PCSK2: variants seen among roughly 807,000 people sequenced by gnomAD.
The protein encoded by PCSK2 is neuroendocrine convertase 2.
PCSK2 carries 14 observed loss-of-function variants against 69.7 expected under a neutral mutation model. The observed-to-expected ratio is 0.20, with a 90% CI of 0.13 to 0.31. PCSK2 has a LOEUF of 0.31. PCSK2 is among the 10% of genes least tolerant of loss of function. The pLI, the probability that PCSK2 is intolerant of heterozygous loss-of-function variation, is 1.00. For missense variants in PCSK2, 544 were observed against 842.5 expected, an observed-to-expected ratio of 0.65 and a Z score of 4.39; for synonymous variants, 307 against 320.7, an observed-to-expected ratio of 0.96 and a Z score of 0.46.
chr20:17,332,553 G>T (rs1337210882), intron 2 of PCSK2, among the ~76,000 whole-genome samples: 1 of 152,202 alleles, frequency 6.6e-6, no homozygotes, highest in Non-Finnish European at 1.5e-5. Flanking sequence ...TTCTCAAATT[G>T]TGTCCCCTGA....
chr20:17,400,947 T>C (rs1054421908), intron 5 of PCSK2, among the ~76,000 whole-genome samples: 2 of 152,218 alleles, frequency 1.3e-5, no homozygotes, highest in African/African-American at 4.8e-5. Flanking sequence ...TATTTCACTA[T>C]TACAGTCACT....
rs560439126 is a variant in PCSK2, at chr20:17,418,506, C to T, written c.620+9167C>T. On this transcript the variant is annotated intron_variant, in intron 6 of 11. Transcript: ENST00000262545. Reference sequence around the variant, plus strand: ...AGGAGGCAGCATTCTAAGAAGGATCCGCAAGTGAGGTGGAGCATAAAAGGG... The same window carrying T: ...AGGAGGCAGCATTCTAAGAAGGATCTGCAAGTGAGGTGGAGCATAAAAGGG... 2.0e-3 allele frequency among the ~76,000 whole-genome samples: 310 copies of T among 152,094 alleles called. 1 individual carries two copies. Among genetic ancestry groups the T allele is most frequent in the African/African-American group, 6.7e-3 (278 of 41,484 alleles).
chr20:17,429,638 G>A (rs1162118222), intron 7 of PCSK2, 115 bp downstream of exon 7: 10 of 685,512 alleles, frequency 1.5e-5, no homozygotes, highest in Non-Finnish European at 2.4e-5. Flanking sequence ...CACAGATTTG[G>A]CACAAGTGAA....
intron 1 of PCSK2, among the ~76,000 whole-genome samples, chr20:17,243,930 C>G (rs1362083221): frequency 1.3e-5 from 2 of 152,142 alleles, no homozygotes; most frequent in African/African-American, 4.8e-5. Flanking sequence ...AACATGTGAT[C>G]TTGGATTGAA....
At chr20:17,278,927 A>G (rs1052096859) in intron 2 of PCSK2, among the ~76,000 whole-genome samples, 1 of 151,226 alleles carries the variant, frequency 6.6e-6, no homozygotes, top group African/African-American at 2.4e-5. Context: ...AGTTTCCTAA[A>G]TTTTTTCAGT....
At chr20:17,424,841 G>T (rs538947817) in intron 6 of PCSK2, among the ~76,000 whole-genome samples, 1 of 152,178 alleles carries the variant, frequency 6.6e-6, no homozygotes, top group African/African-American at 2.4e-5. Context: ...CTGGAGTGCA[G>T]TGGCGTAATC....
intron 2 of PCSK2, among the ~76,000 whole-genome samples, chr20:17,289,893 C>A (rs1988641043): frequency 6.6e-6 from 1 of 152,114 alleles, no homozygotes; most frequent in Non-Finnish European, 1.5e-5. Flanking sequence ...ATTCAAAAAA[C>A]AGTGTCAAAA....
At chr20:17,367,498 G>A (rs968746978) in intron 4 of PCSK2, among the ~76,000 whole-genome samples, 1 of 152,234 alleles carries the variant, frequency 6.6e-6, no homozygotes, top group African/African-American at 2.4e-5. Flanking sequence ...GCCCAGAGTG[G>A]AACTGGATCC....
chr20:17,270,526 C>T (rs1987819776), intron 2 of PCSK2, among the ~76,000 whole-genome samples: 1 of 152,034 alleles, frequency 6.6e-6, no homozygotes, highest in Non-Finnish European at 1.5e-5. Context: ...ATTATCTGTA[C>T]CAAAAACATT....
chr20:17,358,830 A>C (rs2030296045), intron 3 of PCSK2, among the ~76,000 whole-genome samples: 1 of 152,208 alleles, frequency 6.6e-6, no homozygotes. Context: ...TCACAGGCCT[A>C]AAAGAAAGGA....
chr20:17,257,640 C>T (rs1475529131), intron 1 of PCSK2, among the ~76,000 whole-genome samples: 2 of 152,100 alleles, frequency 1.3e-5, no homozygotes, highest in Non-Finnish European at 2.9e-5. Flanking sequence ...TTTGTTTTTA[C>T]CCTTTGCTAA....
intron 2 of PCSK2, among the ~76,000 whole-genome samples, chr20:17,354,068 A>G (rs1188776314): frequency 6.6e-6 from 1 of 152,192 alleles, no homozygotes; most frequent in Admixed American, 6.5e-5. Context: ...TACCTGGCTG[A>G]TGGGATCATT....
In PCSK2 at chr20:17,436,771, T is replaced by C; in HGVS notation, c.773T>C (p.Met258Thr). Residue 258 changes from methionine to threonine, a missense_variant, in exon 8 of 12, where the codon ATG becomes ACG. By Grantham distance (81) the Met-to-Thr change is moderately conservative. Around this residue, in one of 3 missense-constraint regions of PCSK2, gnomAD observed 187 missense variants for 399.8 expected, o/e 0.47. Transcript: ENST00000262545. ...ATCGAGGCCTCCTCCATCAGTCATA[T>C]GCCACAGCTGATTGACATCTACAGC... ...DIIEASSISHMPQLIDIYSAS... is the reference protein window; with the variant it reads ...DIIEASSISHTPQLIDIYSAS... 2 of 1,614,074 alleles carry C rather than the reference T, an allele frequency of 1.2e-6. No homozygotes were observed. Among genetic ancestry groups the C allele is most frequent in the Non-Finnish European group, 1.7e-6 (2 of 1,180,002 alleles).
chr20:17,324,925 C>G (rs1020583205), intron 2 of PCSK2, among the ~76,000 whole-genome samples: 3 of 152,174 alleles, frequency 2.0e-5, no homozygotes, highest in Admixed American at 2.0e-4. Flanking sequence ...AAGTCCAGCC[C>G]TACCAGGCTT....
intron 5 of PCSK2, among the ~76,000 whole-genome samples, chr20:17,403,852 G>A (rs1432387594): frequency 2.6e-5 from 4 of 152,194 alleles, no homozygotes; most frequent in Non-Finnish European, 2.9e-5. Context: ...TTTCCTTGAG[G>A]TCGGGTTTGT....
chr20:17,238,727 T>A (rs1487777009), intron 1 of PCSK2, among the ~76,000 whole-genome samples: 1 of 152,128 alleles, frequency 6.6e-6, no homozygotes, highest in African/African-American at 2.4e-5. Flanking sequence ...GCTTTTTTGG[T>A]TTGTTTTTTT....
intron 2 of PCSK2, among the ~76,000 whole-genome samples, chr20:17,339,287 A>T (rs1383761315): frequency 1.3e-5 from 2 of 152,180 alleles, no homozygotes; most frequent in Non-Finnish European, 2.9e-5. Flanking sequence ...AGTGAACAGA[A>T]ATCAGTGAAC....
intron 6 of PCSK2, among the ~76,000 whole-genome samples, chr20:17,415,080 T>A (rs4396778): frequency 0.48 from 73,514 of 151,998 alleles, 18,902 homozygotes; most frequent in South Asian, 0.65. Flanking sequence ...GCCAATATCA[T>A]ACTGAATGGG....
chr20:17,385,896 T>C (rs1299286941), intron 5 of PCSK2, among the ~76,000 whole-genome samples: 1 of 152,210 alleles, frequency 6.6e-6, no homozygotes, highest in South Asian at 2.1e-4. Context: ...TTATCCATCA[T>C]TGGTTGATGA....
Sources: gnomAD v4.1 joint callset for allele counts (sites outside exome capture counted in the v4.1 genomes callset) on GRCh38, gnomAD v4.1.1 for gene constraint, gnomAD v4.1.1 regional missense constraint, MANE v1.5 for transcripts, NCBI Gene and HGNC (gene_info 2026-07-23, HGNC 2026-07-21) for gene names.